Variants in GMDS observed in about 807,000 individuals in gnomAD.
GMDS encodes GDP-mannose 4,6 dehydratase.
A neutral mutation model predicts 49.9 loss-of-function variants in GMDS; 20 were observed. The ratio of observed to expected loss-of-function variants is 0.40; its 90% CI spans 0.28 to 0.58. The LOEUF (loss-of-function observed/expected upper bound fraction) is 0.58, where lower values mean the gene tolerates loss of function less well. Ranked by LOEUF, GMDS falls within the 20% of genes least tolerant of loss-of-function variation. The pLI is 0.42. For synonymous variants in GMDS, 177 were observed against 178.6 expected (o/e 0.99, Z 0.07); for missense variants, 362 against 481.4 (o/e 0.75, Z 2.32).
At chr6:1,799,734 T>C (rs539602203) in intron 7 of GMDS, among the ~76,000 whole-genome samples, 1 of 152,314 alleles carries the variant, frequency 6.6e-6, no homozygotes, top group East Asian at 1.9e-4. Flanking sequence ...GCTACCCATT[T>C]AATGCTGTAT....
At chr6:1,880,797 C>T (rs1759323865) in intron 7 of GMDS, among the ~76,000 whole-genome samples, 1 of 152,112 alleles carries the variant, frequency 6.6e-6, no homozygotes, top group Non-Finnish European at 1.5e-5. Flanking sequence ...AAACAATGGC[C>T]TTATGTTCCA....
intron 4 of GMDS, among the ~76,000 whole-genome samples, chr6:2,114,228 T>A (rs1581668926): frequency 6.6e-6 from 1 of 152,158 alleles, no homozygotes; most frequent in African/African-American, 2.4e-5. Context: ...TATCTATGAT[T>A]ACAAAGGAAA....
rs1160063713 is a variant in GMDS at position 2,191,517 on chromosome 6, T to G, written c.102+53804A>C. ...GGCCTCTCTGCACTCTTGGGGGCCC[T>G]GGAAGGCCCCCGCCTTGCCCTTGCA... On this transcript the variant is annotated intron_variant, in intron 1 of 10. Coordinates refer to ENST00000380815, the MANE Select transcript of GMDS (RefSeq NM_001500.4). This position sits in a 1 kb window ranked among gnomAD's most constrained non-coding sequence, Gnocchi z 4.6. Among the ~76,000 whole-genome samples the G allele has an allele frequency of 2.0e-5, 3 of 152,192 alleles. No individual in the cohort carries two copies. Among genetic ancestry groups the G allele is most frequent in the Non-Finnish European group, 1.5e-5 (1 of 68,022 alleles).
chr6:1,690,770 T>C (rs1418058882), intron 9 of GMDS, among the ~76,000 whole-genome samples: 1 of 152,222 alleles, frequency 6.6e-6, no homozygotes, highest in African/African-American at 2.4e-5. Context: ...AAGCTCAACA[T>C]CGCTGATCAT....
chr6:1,869,127 C>T (rs1758594444), intron 7 of GMDS, among the ~76,000 whole-genome samples: 1 of 152,146 alleles, frequency 6.6e-6, no homozygotes, highest in Non-Finnish European at 1.5e-5. Flanking sequence ...GGAAAAGGCT[C>T]TACTGGGGGA....
chr6:1,642,578 C>A (rs1476703951), intron 9 of GMDS, among the ~76,000 whole-genome samples: 2 of 152,216 alleles, frequency 1.3e-5, no homozygotes, highest in Non-Finnish European at 2.9e-5. Context: ...AAATCTCCAC[C>A]TTCCCCCTAA....
In GMDS at chr6:2,175,950, C is replaced by A. The variant is rs1481797251; in HGVS notation, c.103-51219G>T. 6.0e-6 allele frequency: 9 copies of A among 1,510,024 alleles called. No homozygotes were observed. The Admixed American group carries it at 1.4e-4, about 23-fold the overall frequency. 93.5% of individuals were successfully genotyped at this position (1,510,024 alleles called of 1,614,324 possible). A position where few individuals can be genotyped will look rare whatever the true frequency, so the allele number is the denominator to read the frequency against. ...TTCTCACCATTTTACACATGAGGAA[C>A]CAGAGGCAATGGTAACGCTCCCAAC... is the stretch of plus-strand genomic sequence containing the variant. On this transcript the variant is annotated intron_variant, in intron 1 of 10. Transcript: ENST00000380815.
chr6:1,689,918 T>TAC (rs77094133), intron 9 of GMDS, among the ~76,000 whole-genome samples: 1 of 151,428 alleles, frequency 6.6e-6, no homozygotes, highest in Non-Finnish European at 1.5e-5. Flanking sequence ...GTAGATAACA[T>TAC]AAAGCATGAC....
chr6:2,105,070 G>A (rs1218848961), intron 4 of GMDS, among the ~76,000 whole-genome samples: 4 of 151,024 alleles, frequency 2.6e-5, no homozygotes, highest in Non-Finnish European at 4.4e-5. Flanking sequence ...TAGTCCCAGC[G>A]ACTCGGGAGG....
At chr6:1,730,097 C>T (rs889324920) in intron 8 of GMDS, among the ~76,000 whole-genome samples, 2 of 152,136 alleles carry the variant, frequency 1.3e-5, no homozygotes, top group Admixed American at 6.5e-5. Context: ...ATCATAAAAG[C>T]GCTCAGGGAT....
intron 1 of GMDS, among the ~76,000 whole-genome samples, chr6:2,239,984 C>A (rs1014867843): frequency 2.0e-5 from 3 of 152,216 alleles, no homozygotes; most frequent in African/African-American, 7.2e-5. Context: ...CAGGTGTGAG[C>A]CACCACGCCC....
chr6:1,698,951 A>G (rs1765445365), intron 9 of GMDS, among the ~76,000 whole-genome samples: 1 of 152,164 alleles, frequency 6.6e-6, no homozygotes, highest in African/African-American at 2.4e-5. Context: ...AACAAGCCAC[A>G]GTCATGGGGT....
At chr6:2,162,117 CTT>C (rs1337768572) in intron 1 of GMDS, among the ~76,000 whole-genome samples, 1 of 152,200 alleles carries the variant, frequency 6.6e-6, no homozygotes, top group African/African-American at 2.4e-5. Flanking sequence ...ACAAAAATCT[CTT>C]GAGACTAAAC....
intron 6 of GMDS, among the ~76,000 whole-genome samples, chr6:1,956,412 A>G (rs2127289265): frequency 6.6e-6 from 1 of 152,334 alleles, no homozygotes; most frequent in Middle Eastern, 3.4e-3. Context: ...TGTTAGATTA[A>G]AAAATACTTT....
intron 7 of GMDS, among the ~76,000 whole-genome samples, chr6:1,794,939 A>T (rs1769680480): frequency 1.3e-5 from 2 of 152,222 alleles, no homozygotes; most frequent in Admixed American, 1.3e-4. Context: ...TAATCCCAGC[A>T]CTTTGGGAGG....
chr6:1,952,380 G>T (rs931426332), intron 6 of GMDS, among the ~76,000 whole-genome samples: 1 of 152,134 alleles, frequency 6.6e-6, no homozygotes, highest in Non-Finnish European at 1.5e-5. Context: ...AAATGTCTCT[G>T]AAAGTACCTG....
intron 4 of GMDS, among the ~76,000 whole-genome samples, chr6:2,084,963 A>G (rs932404334): frequency 6.6e-6 from 1 of 152,186 alleles, no homozygotes; most frequent in Admixed American, 6.5e-5. Context: ...AACCACAACC[A>G]AATTCAGAAG....
At chr6:1,917,090 C>T (rs1254671677) in intron 7 of GMDS, among the ~76,000 whole-genome samples, 1 of 152,136 alleles carries the variant, frequency 6.6e-6, no homozygotes. Flanking sequence ...CACTCAGTTC[C>T]TCACACTGGA....
chr6:1,833,568 G>A lies in GMDS; in HGVS notation c.772-90982C>T, dbSNP rs968358278. 2.6e-5 allele frequency among the ~76,000 whole-genome samples: 4 copies of A among 151,594 alleles called. No individual in the cohort carries two copies. The highest frequency in any genetic ancestry group is 5.9e-5 in the Non-Finnish European group (4 of 67,942). On this transcript the variant is annotated intron_variant, in intron 7 of 10. Transcript: ENST00000380815. The surrounding 1 kb of genome is among the most constrained non-coding windows in gnomAD (Gnocchi z 4.4). ...CCCTTCCTGAGGGAACATAACACAA[G>A]GTAATTAAATTGTAAATTACTTGAG...
Sources: gnomAD v4.1 joint callset for allele counts (sites outside exome capture counted in the v4.1 genomes callset) on GRCh38, gnomAD v4.1.1 for gene constraint, Gnocchi (gnomAD v3.1) non-coding constraint, MANE v1.5 for transcripts, NCBI Gene and HGNC (gene_info 2026-07-23, HGNC 2026-07-21) for gene names.